The following SH3PXD2B variants were observed in gnomAD, a reference collection of about 807,000 sequenced individuals.
SH3PXD2B encodes the protein SH3 and PX domain-containing protein 2B.
SH3PXD2B carries 37 observed loss-of-function variants against 73.1 expected under a neutral mutation model. That is an observed-to-expected ratio of 0.51 (90% CI 0.39 to 0.67). The LOEUF (loss-of-function observed/expected upper bound fraction) is 0.67. Among genes scored for constraint, SH3PXD2B ranks in the 30% least tolerant of loss-of-function variants. The probability of loss-of-function intolerance (pLI) is 0.00; values close to 1 mark genes in which losing one functional copy is unlikely to be tolerated. For missense variants in SH3PXD2B, 1,053 were observed against 1,197.8 expected (o/e 0.88, Z 1.78); for synonymous variants, 457 against 480.5 (o/e 0.95, Z 0.64).
intron 4 of SH3PXD2B, among the ~76,000 whole-genome samples, chr5:172,385,339 C>T (rs947505531): frequency 8.5e-5 from 13 of 152,080 alleles, no homozygotes; most frequent in African/African-American, 2.9e-4. Flanking sequence ...GCTCCTGAAA[C>T]GTGTTCATCT....
intron 2 of SH3PXD2B, among the ~76,000 whole-genome samples, chr5:172,414,673 G>A (rs1006828477): frequency 3.3e-5 from 5 of 152,118 alleles, no homozygotes; most frequent in Admixed American, 1.3e-4. Context: ...CACAGCGTGC[G>A]GAGCAGGAGA....
At chr5:172,350,309 A>C in intron 10 of SH3PXD2B, 54 bp downstream of exon 10, 2 of 1,572,032 alleles carry the variant, frequency 1.3e-6, no homozygotes, top group Non-Finnish European at 1.7e-6. Context: ...CCTTGAGCAC[A>C]GAGCTGGCAC....
downstream of SH3PXD2B, chr5:172,333,462 CT>C: frequency 8.9e-7 from 1 of 1,125,980 alleles, no homozygotes; most frequent in South Asian, 1.8e-5. Context: ...GCTATGTACC[CT>C]TTCTCCTGCC....
chr5:172,451,295 A>G (rs543337535), intron 1 of SH3PXD2B, among the ~76,000 whole-genome samples: 1 of 152,244 alleles, frequency 6.6e-6, no homozygotes, highest in Admixed American at 6.5e-5. Flanking sequence ...GGGTAGTGGG[A>G]AATTAGGGGG....
chr5:172,353,958 C>T lies in SH3PXD2B; in HGVS notation c.715G>A (p.Glu239Lys). The change falls in exon 9 of 13, where the codon GAA becomes AAA. Residue 239 changes from glutamate (E) to lysine (K), a missense_variant. This residue lies in a region of SH3PXD2B where 466 missense variants were observed against 607.1 expected (regional missense o/e 0.77). Transcript: ENST00000311601. The surrounding 1 kb of genome is among the most constrained non-coding windows in gnomAD (Gnocchi z 4.3). Reference sequence around the variant, plus strand: ...ACAGCCCCTCTCTCCAGGTTCATTTCATCCTGGTCCCGAGCTGTGTACGGG... The same window carrying T: ...ACAGCCCCTCTCTCCAGGTTCATTTTATCCTGGTCCCGAGCTGTGTACGGG... ...IYPYTARDQD[E>K]MNLERGAVVE... is the part of the protein sequence containing the mutation. 6.2e-7 allele frequency: 1 copy of T among 1,614,154 alleles called. No individual in the cohort carries two copies. The highest frequency in any genetic ancestry group is 1.1e-5 in the South Asian group (1 of 91,082).
At chr5:172,351,777 CAA>C (rs5873319) in intron 9 of SH3PXD2B, among the ~76,000 whole-genome samples, 2 of 140,600 alleles carry the variant, frequency 1.4e-5, no homozygotes, top group African/African-American at 2.6e-5. Context: ...GGTTTTAATG[CAA>C]AAAAAAAAAG....
chr5:172,446,736 T>A (rs1287684318), intron 1 of SH3PXD2B, among the ~76,000 whole-genome samples: 1 of 152,234 alleles, frequency 6.6e-6, no homozygotes, highest in Non-Finnish European at 1.5e-5. Flanking sequence ...TCTGGTGCCC[T>A]GTGACCTTAG....
At chr5:172,440,194 G>A (rs1356673783) in intron 1 of SH3PXD2B, among the ~76,000 whole-genome samples, 3 of 152,192 alleles carry the variant, frequency 2.0e-5, no homozygotes, top group Admixed American at 1.3e-4. Context: ...GAATGGAGCC[G>A]CCAACAAGAG....
intron 1 of SH3PXD2B, among the ~76,000 whole-genome samples, chr5:172,423,879 G>A (rs770469057): frequency 3.3e-5 from 5 of 152,148 alleles, no homozygotes; most frequent in Non-Finnish European, 7.4e-5. Flanking sequence ...TTGACCTCAA[G>A]TGATCCACCT....
At chr5:172,327,388 G>T (rs942396360) in intron 12 of SH3PXD2B, among the ~76,000 whole-genome samples, 1 of 152,122 alleles carries the variant, frequency 6.6e-6, no homozygotes, top group Non-Finnish European at 1.5e-5. Context: ...CTAAAGCCCA[G>T]AATTGTTCCT....
chr5:172,347,079 C>T (rs998695955), intron 11 of SH3PXD2B, among the ~76,000 whole-genome samples: 4 of 152,166 alleles, frequency 2.6e-5, no homozygotes, highest in Admixed American at 6.5e-5. Flanking sequence ...ACTCTGGCCC[C>T]GCGGGCAAAC....
In SH3PXD2B at chr5:172,334,654, C is replaced by T. The variant is rs776151932; in HGVS notation, c.*3715G>A. 148 of 985,344 alleles carry T rather than the reference C, an allele frequency of 1.5e-4. No homozygotes were observed. The highest frequency in any genetic ancestry group is 9.4e-4 in the South Asian group (20 of 21,284). The allele number at this position is 985,344 out of a possible 1,614,324, so 61.0% of individuals were successfully genotyped here. On this transcript the variant is annotated 3_prime_UTR_variant, in exon 13 of 13. Transcript: ENST00000311601. ...CGATGAAAGGACGGGGGTCCAGCTA[C>T]GAATGTTTTTGTTCTTGATGTCAAG...
Position 172,334,281 on chromosome 5 carries a change from G to C in SH3PXD2B, c.*4088C>G, listed in dbSNP as rs988404509. ...AGGTCCATGAGCAGGCAAGGACTGT[G>C]GAGCCTCCGGTTCCAGCTCTGCAGC... On this transcript the variant is annotated 3_prime_UTR_variant, in exon 13 of 13. Coordinates refer to ENST00000311601, the MANE Select transcript of SH3PXD2B (RefSeq NM_001017995.3). 9.9e-7 allele frequency: 1 copy of C among 1,006,340 alleles called. No individual in the cohort carries two copies. Among genetic ancestry groups the C allele is most frequent in the Non-Finnish European group, 1.2e-6 (1 of 845,410 alleles). 62.3% of individuals were successfully genotyped at this position (1,006,340 alleles called of 1,614,324 possible).
chr5:172,347,162 G>C, intron 11 of SH3PXD2B, 121 bp downstream of exon 11: 1 of 975,016 alleles, frequency 1.0e-6, no homozygotes, highest in Non-Finnish European at 1.6e-6. Context: ...GCTTCACAAG[G>C]CTGTTGTGTG....
rs755145107 is a variant in SH3PXD2B at position 172,373,807 on chromosome 5, A to G, written c.410T>C (p.Ile137Thr). ...EDLNPPKEEHIGKKKSGGDQT... is the reference protein window; with the variant it reads ...EDLNPPKEEHTGKKKSGGDQT... ...ATTCTTACCAGATTTCTTTTTCCCAATGTGCTCCCTGTACAGGAAAGAAAG... is the reference window on the plus strand; with the variant it reads ...ATTCTTACCAGATTTCTTTTTCCCAGTGTGCTCCCTGTACAGGAAAGAAAG... Residue 137 changes from isoleucine to threonine, a missense_variant, in exon 6 of 13, where the codon ATT becomes ACT. Physicochemically the swap from Ile to Thr is moderately conservative, Grantham distance 89. Transcript: ENST00000311601. The G allele has an allele frequency of 5.6e-6, 9 of 1,614,010 alleles. No homozygotes were observed. Among genetic ancestry groups the G allele is most frequent in the South Asian group, 3.3e-5 (3 of 91,072 alleles).
chr5:172,454,218 C>T (rs1292910891), intron 1 of SH3PXD2B, 60 bp downstream of exon 1: 2 of 1,463,328 alleles, frequency 1.4e-6, no homozygotes, highest in African/African-American at 1.4e-5. Context: ...AGCCGGGGGC[C>T]CTCGGTCGCC....
At chr5:172,418,329 C>T (rs916217634) in intron 2 of SH3PXD2B, among the ~76,000 whole-genome samples, 58 of 152,238 alleles carry the variant, frequency 3.8e-4, no homozygotes, top group Admixed American at 3.3e-3. Context: ...CCCCATGTCA[C>T]CAATGAGGGC....
At chr5:172,411,264 A>G (rs546743128) in intron 2 of SH3PXD2B, among the ~76,000 whole-genome samples, 15 of 152,036 alleles carry the variant, frequency 9.9e-5, no homozygotes, top group African/African-American at 3.6e-4. Context: ...ACTATTTCCA[A>G]TCTCCGGGTT....
intron 12 of SH3PXD2B, among the ~76,000 whole-genome samples, chr5:172,327,752 G>GTTTTTTTT (rs3053146): frequency 1.4e-5 from 2 of 142,426 alleles, no homozygotes; most frequent in African/African-American, 5.4e-5. Context: ...CTGCAACTGG[G>GTTTTTTTT]TTTTTTTTTT....
Sources: gnomAD v4.1 joint callset for allele counts (sites outside exome capture counted in the v4.1 genomes callset) on GRCh38, gnomAD v4.1.1 for gene constraint, gnomAD v4.1.1 regional missense constraint, Gnocchi (gnomAD v3.1) non-coding constraint, MANE v1.5 for transcripts, NCBI Gene and HGNC (gene_info 2026-07-23, HGNC 2026-07-21) for gene names.